The following CHD5 variants were observed in gnomAD, a reference collection of about 807,000 sequenced individuals.
CHD5 encodes chromodomain helicase DNA binding protein 5.
In CHD5, 69 loss-of-function variants were observed where a neutral mutation model predicts 230.3. The ratio of observed to expected loss-of-function variants is 0.30; its 90% CI spans 0.25 to 0.37. The LOEUF is 0.37. CHD5 is among the 10% of genes least tolerant of loss of function. The probability of loss-of-function intolerance (pLI) is 1.00; values close to 1 mark genes in which losing one functional copy is unlikely to be tolerated. For synonymous variants in CHD5, 1,064 were observed against 1,065.9 expected (o/e 1.00, Z 0.03); for missense variants, 1,827 against 2,622.8 (o/e 0.70, Z 6.63).
At chr1:6,164,119 C>T (rs1667217534) in intron 2 of CHD5, among the ~76,000 whole-genome samples, 1 of 152,260 alleles carries the variant, frequency 6.6e-6, no homozygotes, top group African/African-American at 2.4e-5. Flanking sequence ...ACCCTTCCTC[C>T]TTCCCAGCTC....
Position 6,151,096 on chromosome 1 carries a change from G to T in CHD5, c.930C>A (p.Ser310=). 6.2e-7 allele frequency: 1 copy of T among 1,609,806 alleles called. No homozygotes were observed. The highest frequency in any genetic ancestry group is 8.5e-7 in the Non-Finnish European group (1 of 1,177,816). The change falls in exon 7 of 42, where the codon TCC becomes TCA. Residue 310 remains serine (S), a synonymous_variant. Transcript: ENST00000262450. ...GGGCTGCAGAGCATTCGGAGCGCAC[G>T]GAGGCACTGTGGATGCTGGCGCTGT... ...DFDSASIHSA[S]VRSECSAALG... is the part of the protein sequence containing the mutation.
At chr1:6,147,087 G>A (rs765527960) in intron 9 of CHD5, among the ~76,000 whole-genome samples, 3 of 152,350 alleles carry the variant, frequency 2.0e-5, no homozygotes, top group South Asian at 2.1e-4. Context: ...GTGAGACCAC[G>A]TGGCCCTTTC....
chr1:6,108,806 A>C (rs1666238751), intron 38 of CHD5, among the ~76,000 whole-genome samples: 2 of 142,716 alleles, frequency 1.4e-5, no homozygotes, highest in Non-Finnish European at 3.1e-5. Flanking sequence ...GAGGTGTGGA[A>C]GGATGGAGGG....
Position 6,112,964 on chromosome 1 carries a change from G to A in CHD5, c.4947C>T (p.Asp1649=). ...TGTGGATCAAGCTCAGCTCCAGCTT[G>A]TCCAGGATCTTCTCCTTCTCAGGAA... is the stretch of plus-strand genomic sequence containing the variant. The part of the protein sequence containing the change: ...EVLPEKEKIL[D]KLELSLIHSR... The change falls in exon 34 of 42, where the codon GAC becomes GAT. Residue 1649 remains aspartate, a synonymous_variant. Coordinates refer to ENST00000262450, the MANE Select transcript of CHD5 (RefSeq NM_015557.3). The A allele has an allele frequency of 7.4e-6, 12 of 1,613,982 alleles. No homozygotes were observed. The highest frequency in any genetic ancestry group is 9.3e-6 in the Non-Finnish European group (11 of 1,179,896).
chr1:6,107,980 T>G (rs1666221663), intron 38 of CHD5, among the ~76,000 whole-genome samples: 2 of 97,712 alleles, frequency 2.0e-5, no homozygotes, highest in Admixed American at 1.2e-4. Context: ...GATGGAGGGA[T>G]GATGGAGAGA....
chr1:6,123,849 G>A (rs887898361), intron 31 of CHD5, 99 bp downstream of exon 31: 3 of 810,526 alleles, frequency 3.7e-6, no homozygotes, highest in Admixed American at 3.9e-5. Context: ...GGGAAGGAGA[G>A]GCCGTCTTCT....
chr1:6,163,600 T>C (rs1053531541), intron 2 of CHD5, among the ~76,000 whole-genome samples: 4 of 152,060 alleles, frequency 2.6e-5, no homozygotes, highest in African/African-American at 7.3e-5. Context: ...CAGTGGCCCA[T>C]GAGCAGGACC....
intron 7 of CHD5, 88 bp downstream of exon 7, chr1:6,150,944 G>T (rs1666997414): frequency 1.7e-5 from 23 of 1,364,252 alleles, no homozygotes; most frequent in Non-Finnish European, 2.2e-5. Context: ...CCACCCGGCA[G>T]GCCGAGAACC....
intron 33 of CHD5, among the ~76,000 whole-genome samples, chr1:6,119,277 T>C (rs1482121824): frequency 6.6e-6 from 1 of 152,140 alleles, no homozygotes; most frequent in Non-Finnish European, 1.5e-5. Context: ...TTTTTTGTAT[T>C]TTTAGTAGAG....
chr1:6,152,052 G>A (rs556298485), intron 6 of CHD5, among the ~76,000 whole-genome samples: 4 of 151,980 alleles, frequency 2.6e-5, no homozygotes, highest in South Asian at 4.2e-4. Flanking sequence ...CTGGGTGCTG[G>A]GCGGCCAGGC....
chr1:6,110,954 G>C (rs1666278077), intron 36 of CHD5, among the ~76,000 whole-genome samples: 1 of 152,216 alleles, frequency 6.6e-6, no homozygotes, highest in African/African-American at 2.4e-5. Context: ...TTGGGGCCAG[G>C]CATGGTGGCT....
chr1:6,151,003 C>T (rs1445321394), intron 7 of CHD5, 29 bp downstream of exon 7: 1 of 1,505,848 alleles, frequency 6.6e-7, no homozygotes, highest in Admixed American at 1.9e-5. Context: ...ACCCAGCAGG[C>T]CAAGAACTCT....
Position 6,142,311 on chromosome 1 carries a change from G to C in CHD5, c.2253C>G (p.Pro751=), listed in dbSNP as rs1031363035. ...TGGAGAGGGGCGCGCTAACCAGGTA[G>C]GGCCCTTTGGAGTGGCCCTGGAGAG... ...SLYKEGHSKG[P]YLVSAPLSTI... The change falls in exon 15 of 42, where the codon CCC becomes CCG. Residue 751 remains proline (P), a synonymous_variant. Coordinates refer to ENST00000262450, the MANE Select transcript of CHD5 (RefSeq NM_015557.3). The surrounding 1 kb of genome is among the most constrained non-coding windows in gnomAD (Gnocchi z 5.2). 1 of 1,609,292 alleles carries C rather than the reference G, an allele frequency of 6.2e-7. No individual in the cohort carries two copies. The highest frequency in any genetic ancestry group is 1.3e-5 in the African/African-American group (1 of 74,842).
chr1:6,129,352 C>G lies in CHD5; in HGVS notation c.3388-283G>C, dbSNP rs1035204046. ...GTGCAAGAGTGTGTGAGGGATGATA[C>G]GGCCAGTGTGCTGGGTGTAACTGAA... On this transcript the variant is annotated intron_variant, in intron 22 of 41. Transcript: ENST00000262450. This position sits in a 1 kb window ranked among gnomAD's most constrained non-coding sequence, Gnocchi z 6.8. Among the ~76,000 whole-genome samples, 8 of 152,246 alleles carry G rather than the reference C, an allele frequency of 5.3e-5. No individual in the cohort carries two copies. Among genetic ancestry groups the G allele is most frequent in the African/African-American group, 1.9e-4 (8 of 41,540 alleles).
intron 9 of CHD5, among the ~76,000 whole-genome samples, chr1:6,147,573 A>G (rs1666930690): frequency 6.6e-6 from 1 of 152,184 alleles, no homozygotes; most frequent in African/African-American, 2.4e-5. Flanking sequence ...CCCTCCAAGG[A>G]GGCGGTGCTG....
At chr1:6,114,990 G>C (rs969869292) in intron 33 of CHD5, among the ~76,000 whole-genome samples, 11 of 151,212 alleles carry the variant, frequency 7.3e-5, no homozygotes, top group Non-Finnish European at 1.5e-4. Context: ...CTCCAGCCTG[G>C]GCGACAGAGC....
Position 6,128,147 on chromosome 1 carries a change from G to A in CHD5, c.3802C>T (p.Arg1268Trp). The A allele has an allele frequency of 2.5e-6, 4 of 1,614,146 alleles. No homozygotes were observed. The highest frequency in any genetic ancestry group is 3.4e-6 in the Non-Finnish European group (4 of 1,180,014). ...DDAAISKLLD[R>W]NQDATDDTEL... is the part of the protein sequence containing the mutation. Reference sequence around the variant, plus strand: ...GTGTCATCTGTAGCGTCCTGGTTCCGGTCCAGCAGCTTGGAGATGGCCGCA... The same window carrying A: ...GTGTCATCTGTAGCGTCCTGGTTCCAGTCCAGCAGCTTGGAGATGGCCGCA... Residue 1268 changes from arginine (R) to tryptophan (W), a missense_variant, in exon 25 of 42, where the codon CGG becomes TGG. Arg to Trp is a moderately radical substitution (Grantham distance 101). This residue lies in a region of CHD5 where 137 missense variants were observed against 272.7 expected (regional missense o/e 0.50). Coordinates refer to ENST00000262450, the MANE Select transcript of CHD5 (RefSeq NM_015557.3). This position sits in a 1 kb window ranked among gnomAD's most constrained non-coding sequence, Gnocchi z 7.8.
Position 6,146,986 on chromosome 1 carries a change from G to C in CHD5, c.1384-115C>G. 1.3e-6 allele frequency: 1 copy of C among 777,366 alleles called. No homozygotes were observed. Among genetic ancestry groups the C allele is most frequent in the Non-Finnish European group, 2.0e-6 (1 of 499,028 alleles). 48.2% of individuals were successfully genotyped at this position (777,366 alleles called of 1,614,324 possible). The stretch of plus-strand genomic sequence containing the variant: ...CTCCCATCAGTGCCACTGCCCCCAA[G>C]TCAGAACAGTACCACGGTGACGCCA... On this transcript the variant is annotated intron_variant, in intron 9 of 41. Transcript: ENST00000262450. This position sits in a 1 kb window ranked among gnomAD's most constrained non-coding sequence, Gnocchi z 5.1.
At chr1:6,163,016 G>A (rs1456286219) in intron 2 of CHD5, among the ~76,000 whole-genome samples, 4 of 152,214 alleles carry the variant, frequency 2.6e-5, no homozygotes, top group African/African-American at 9.6e-5. Flanking sequence ...CCACTGTCTG[G>A]CAGGAGCAGC....
Sources: gnomAD v4.1 joint callset for allele counts (sites outside exome capture counted in the v4.1 genomes callset) on GRCh38, gnomAD v4.1.1 for gene constraint, gnomAD v4.1.1 regional missense constraint, Gnocchi (gnomAD v3.1) non-coding constraint, MANE v1.5 for transcripts, NCBI Gene and HGNC (gene_info 2026-07-23, HGNC 2026-07-21) for gene names.